The following PITPNM3 variants were observed in gnomAD, a reference collection of about 807,000 sequenced individuals.
PITPNM3 encodes membrane-associated phosphatidylinositol transfer protein 3.
In PITPNM3, 26 loss-of-function variants were observed where a neutral mutation model predicts 102.0. The observed-to-expected ratio is 0.25, with a 90% CI of 0.19 to 0.35. The LOEUF is 0.35. PITPNM3 is among the 10% of genes least tolerant of loss of function. The pLI is 1.00. For synonymous variants in PITPNM3, 578 were observed against 558.6 expected, an observed-to-expected ratio of 1.03 and a Z score of -0.49; for missense variants, 1,083 against 1,346.1, an observed-to-expected ratio of 0.80 and a Z score of 3.06.
chr17:6,465,302 T>C (rs111228793), intron 14 of PITPNM3, among the ~76,000 whole-genome samples: 2,163 of 152,288 alleles, frequency 0.014, 55 homozygotes, highest in African/African-American at 0.049. Context: ...TACCTCGGAC[T>C]CCCAAAGTGC....
At chr17:6,518,947 T>C (rs1052563780) in intron 3 of PITPNM3, among the ~76,000 whole-genome samples, 1 of 152,190 alleles carries the variant, frequency 6.6e-6, no homozygotes, top group African/African-American at 2.4e-5. Context: ...GAAAGCCCGC[T>C]ACCGCTTGTC....
chr17:6,498,857 A>G (rs1476387697), intron 4 of PITPNM3, among the ~76,000 whole-genome samples: 2 of 152,180 alleles, frequency 1.3e-5, no homozygotes, highest in East Asian at 1.9e-4. Context: ...AGCCAGCACC[A>G]TGGCAGGTAT....
At position 6,470,483 on chromosome 17, in the gene PITPNM3, T is replaced by A. The variant is rs1190085624; in HGVS notation, c.1625-75A>T. 1.3e-6 allele frequency: 2 copies of A among 1,598,474 alleles called. No individual in the cohort carries two copies. The highest frequency in any genetic ancestry group is 2.7e-5 in the African/African-American group (2 of 74,670). ...CCCGAGGGGCAGCGGGGTCTCCCAT[T>A]GCACAGACTGGTGGTGGATGCCCCA... On this transcript the variant is annotated intron_variant, in intron 12 of 19. Coordinates refer to ENST00000262483, the MANE Select transcript of PITPNM3 (RefSeq NM_031220.4). This position sits in a 1 kb window ranked among gnomAD's most constrained non-coding sequence, Gnocchi z 4.8.
intron 4 of PITPNM3, among the ~76,000 whole-genome samples, chr17:6,489,645 G>A (rs1166001051): frequency 6.6e-6 from 1 of 151,998 alleles, no homozygotes; most frequent in Non-Finnish European, 1.5e-5. Context: ...GTGAGGAGAG[G>A]CTACTATGAG....
chr17:6,498,372 G>A (rs184613446), intron 4 of PITPNM3, among the ~76,000 whole-genome samples: 1 of 152,242 alleles, frequency 6.6e-6, no homozygotes, highest in Non-Finnish European at 1.5e-5. Context: ...GAGCTGACAG[G>A]AAGAGGGGAA....
At chr17:6,505,193 A>ATATATGTATATAT (rs1198801942) in intron 3 of PITPNM3, among the ~76,000 whole-genome samples, 1 of 72,284 alleles carries the variant, frequency 1.4e-5, no homozygotes, top group African/African-American at 4.5e-5. Flanking sequence ...GAAGACAAAT[A>ATATATGTATATAT]AAATATATAT....
chr17:6,455,181 G>C lies in PITPNM3; in HGVS notation c.*157C>G. ...GCAGCTCAGGGAGCCCCCCGGGCTCGGGCAGGATCCCTCCCCGCTCTGGTC... is the reference window on the plus strand; with the variant it reads ...GCAGCTCAGGGAGCCCCCCGGGCTCCGGCAGGATCCCTCCCCGCTCTGGTC... On this transcript the variant is annotated 3_prime_UTR_variant, in exon 20 of 20. Coordinates refer to ENST00000262483, the MANE Select transcript of PITPNM3 (RefSeq NM_031220.4). 1 of 998,196 alleles carries C rather than the reference G, an allele frequency of 1.0e-6. No homozygotes were observed. Among genetic ancestry groups the C allele is most frequent in the Non-Finnish European group, 1.4e-6 (1 of 718,394 alleles). The allele number at this position is 998,196 out of a possible 1,614,324, so 61.8% of individuals were successfully genotyped here. A position where few individuals can be genotyped will look rare whatever the true frequency, so the allele number is the denominator to read the frequency against.
At chr17:6,484,674 T>C (rs181865838) in intron 4 of PITPNM3, among the ~76,000 whole-genome samples, 1 of 152,242 alleles carries the variant, frequency 6.6e-6, no homozygotes, top group East Asian at 1.9e-4. Context: ...TGAGAACAAC[T>C]AGAAGAGCTG....
At chr17:6,464,073 C>A in intron 16 of PITPNM3, 97 bp downstream of exon 16, 1 of 1,589,264 alleles carries the variant, frequency 6.3e-7, no homozygotes, top group South Asian at 1.1e-5. Flanking sequence ...GATGGGGGCC[C>A]ACAAAGAACC....
At chr17:6,482,200 G>C (rs1905781022) in intron 6 of PITPNM3, among the ~76,000 whole-genome samples, 1 of 152,018 alleles carries the variant, frequency 6.6e-6, no homozygotes, top group Non-Finnish European at 1.5e-5. Flanking sequence ...TACCCAGGAG[G>C]AAGGAATGCT....
chr17:6,529,083 C>T (rs1032705517), intron 2 of PITPNM3, among the ~76,000 whole-genome samples: 1 of 152,162 alleles, frequency 6.6e-6, no homozygotes, highest in Non-Finnish European at 1.5e-5. Context: ...GCATGTACTT[C>T]ACCCTACTGA....
chr17:6,500,852 TTTTAGTAGAGA>T (rs1907126119), intron 4 of PITPNM3, among the ~76,000 whole-genome samples: 1 of 152,090 alleles, frequency 6.6e-6, no homozygotes, highest in Non-Finnish European at 1.5e-5. Context: ...ATTTTTGTAT[TTTTAGTAGAGA>T]CAGGTTTTCA....
rs1217122617 is a variant in PITPNM3 at position 6,457,243 on chromosome 17, C to T, written c.2619+351G>A. Among the ~76,000 whole-genome samples, 2 of 152,214 alleles carry T rather than the reference C, an allele frequency of 1.3e-5. No individual in the cohort carries two copies. On this transcript the variant is annotated intron_variant, in intron 19 of 19. Coordinates refer to ENST00000262483, the MANE Select transcript of PITPNM3 (RefSeq NM_031220.4). The surrounding 1 kb of genome is among the most constrained non-coding windows in gnomAD (Gnocchi z 4.7). ...GGACCATTCCTTCAAATTCCGGAAA[C>T]CCAACCTTGCCCTGGAGTCTGGGTT...
rs1043897409 is a variant in PITPNM3, at chr17:6,470,238, C to T, written c.1773+22G>A. The T allele has an allele frequency of 2.7e-5, 42 of 1,581,844 alleles. No homozygotes were observed. Among genetic ancestry groups the T allele is most frequent in the Non-Finnish European group, 3.4e-5 (40 of 1,163,840 alleles). ...CCCCCTTGGGGTGGCTGTGGGCAGG[C>T]CCGCGACTGCGGCAGCAGTACCTGT... On this transcript the variant is annotated intron_variant, in intron 13 of 19. Transcript: ENST00000262483. The surrounding 1 kb of genome is among the most constrained non-coding windows in gnomAD (Gnocchi z 4.8).
chr17:6,452,254 G>GA lies in PITPNM3; in HGVS notation c.*3083dup, dbSNP rs965741348. ...CCAAGGGAGCCGTTGAGATCTTTAG[G>GA]AAAAAACCCATGATGCTGGAAGAGC... On this transcript the variant is annotated 3_prime_UTR_variant, in exon 20 of 20. Coordinates refer to ENST00000262483, the MANE Select transcript of PITPNM3 (RefSeq NM_031220.4). The GA allele has an allele frequency of 1.3e-4, 20 of 152,124 alleles. No homozygotes were observed. The highest frequency in any genetic ancestry group is 4.6e-4 in the African/African-American group (19 of 41,420). 9.4% of individuals were successfully genotyped at this position (152,124 alleles called of 1,614,324 possible). A position where few individuals can be genotyped will look rare whatever the true frequency, so the allele number is the denominator to read the frequency against.
At chr17:6,464,850 C>T in intron 14 of PITPNM3, 79 bp from the exon 15 acceptor site, 1 of 1,332,448 alleles carries the variant, frequency 7.5e-7, no homozygotes, top group Non-Finnish European at 1.1e-6. Flanking sequence ...GTTCCTCAGA[C>T]TGGCTGGAGG....
chr17:6,533,786 G>A (rs1452687267), intron 2 of PITPNM3, among the ~76,000 whole-genome samples: 1 of 152,110 alleles, frequency 6.6e-6, no homozygotes, highest in East Asian at 1.9e-4. Flanking sequence ...CTTGTGTATT[G>A]TCTTCCTATT....
intron 3 of PITPNM3, among the ~76,000 whole-genome samples, chr17:6,516,663 A>G (rs1184613442): frequency 1.3e-5 from 2 of 152,136 alleles, no homozygotes; most frequent in Non-Finnish European, 2.9e-5. Flanking sequence ...TGGCATGACC[A>G]ACAAACACCT....
chr17:6,475,698 C>T (rs916706359), intron 9 of PITPNM3, among the ~76,000 whole-genome samples: 1 of 152,218 alleles, frequency 6.6e-6, no homozygotes, highest in Admixed American at 6.5e-5. Flanking sequence ...TCTGTCCCTA[C>T]ACCAGAGGGG....
Sources: gnomAD v4.1 joint callset for allele counts (sites outside exome capture counted in the v4.1 genomes callset) on GRCh38, gnomAD v4.1.1 for gene constraint, Gnocchi (gnomAD v3.1) non-coding constraint, MANE v1.5 for transcripts, NCBI Gene and HGNC (gene_info 2026-07-23, HGNC 2026-07-21) for gene names.